Variants in SLC29A3 observed in about 807,000 individuals in gnomAD.
The protein encoded by SLC29A3 is equilibrative nucleoside transporter 3.
In SLC29A3, 18 loss-of-function variants were observed where a neutral mutation model predicts 25.4. The observed-to-expected ratio is 0.71, with a 90% confidence interval of 0.49 to 1.05. The LOEUF is 1.05. Ranked by LOEUF, SLC29A3 falls within the 50% of genes least tolerant of loss-of-function variation. SLC29A3 has a pLI of 0.00. For synonymous variants in SLC29A3, 258 were observed against 267.1 expected (o/e 0.97, Z 0.33); for missense variants, 586 against 609.0 (o/e 0.96, Z 0.40).
intron 2 of SLC29A3, among the ~76,000 whole-genome samples, chr10:71,327,125 C>G (rs1016310932): frequency 4.6e-5 from 7 of 152,322 alleles, no homozygotes; most frequent in African/African-American, 1.7e-4. Flanking sequence ...GATGTTTATT[C>G]TTTCCTGTAC....
At chr10:71,345,624 C>T (rs1279630247) in intron 3 of SLC29A3, among the ~76,000 whole-genome samples, 1 of 152,186 alleles carries the variant, frequency 6.6e-6, no homozygotes, top group Non-Finnish European at 1.5e-5. Flanking sequence ...AGGAGAGGGG[C>T]GTTGCAGCCC....
At chr10:71,347,370 C>T (rs1257353665) in intron 3 of SLC29A3, among the ~76,000 whole-genome samples, 1 of 152,148 alleles carries the variant, frequency 6.6e-6, no homozygotes, top group Non-Finnish European at 1.5e-5. Flanking sequence ...CTCCAAGAGT[C>T]TTCACAGGAC....
chr10:71,368,960 C>T (rs1483735493), intron 3 of SLC29A3, among the ~76,000 whole-genome samples: 3 of 152,196 alleles, frequency 2.0e-5, no homozygotes, highest in African/African-American at 7.2e-5. Flanking sequence ...TTTGTGTCCT[C>T]CCCAAATTCA....
chr10:71,344,034 T>G (rs1368531579), intron 2 of SLC29A3, among the ~76,000 whole-genome samples, 175 bp from the exon 3 acceptor site: 2 of 152,094 alleles, frequency 1.3e-5, no homozygotes, highest in Non-Finnish European at 2.9e-5. Context: ...GAGTGAGCGG[T>G]CTTAGGCTGG....
intron 3 of SLC29A3, among the ~76,000 whole-genome samples, chr10:71,372,239 C>G (rs1022076320): frequency 6.6e-6 from 1 of 152,138 alleles, no homozygotes; most frequent in Non-Finnish European, 1.5e-5. Context: ...CACTATGAAC[C>G]GGGCAAGTGA....
chr10:71,345,092 A>T (rs541469627), intron 3 of SLC29A3, among the ~76,000 whole-genome samples: 56 of 152,282 alleles, frequency 3.7e-4, no homozygotes, highest in African/African-American at 1.3e-3. Context: ...TTGATTAGTG[A>T]TGTCTGCTCT....
intron 3 of SLC29A3, among the ~76,000 whole-genome samples, chr10:71,375,247 G>A (rs958114822): frequency 1.3e-5 from 2 of 152,064 alleles, no homozygotes; most frequent in African/African-American, 2.4e-5. Flanking sequence ...GGACTACTGC[G>A]GCCACCGTTT....
At chr10:71,320,904 G>C (rs1030820029) in intron 1 of SLC29A3, among the ~76,000 whole-genome samples, 9 of 152,190 alleles carry the variant, frequency 5.9e-5, no homozygotes, top group South Asian at 2.1e-4. Flanking sequence ...TTCCCAGCCA[G>C]TCCTCCCCGG....
intron 4 of SLC29A3, among the ~76,000 whole-genome samples, chr10:71,379,256 A>G (rs1192210080): frequency 6.6e-6 from 1 of 152,218 alleles, no homozygotes; most frequent in Non-Finnish European, 1.5e-5. Flanking sequence ...CAAGCGTTAA[A>G]TGAAAATTGT....
At position 71,355,865 on chromosome 10, in the gene SLC29A3, G is replaced by A. The variant is rs543075715; in HGVS notation, c.611-216G>A. Among the ~76,000 whole-genome samples the A allele has an allele frequency of 1.5e-3, 226 of 152,344 alleles. 1 individual carries two copies. The highest frequency in any genetic ancestry group is 2.5e-3 in the Non-Finnish European group (171 of 68,034). ...GCCTCTTACAAGTCCAGCAGAGGGA[G>A]GGGAAAATGACCCCCTTGGAAACTC... On this transcript the variant is annotated intron_variant, in intron 4 of 5. Coordinates refer to ENST00000373189, the MANE Select transcript of SLC29A3 (RefSeq NM_018344.6).
Position 71,362,841 on chromosome 10 carries a change from A to C in SLC29A3, c.*233A>C. 1.5e-6 allele frequency: 1 copy of C among 688,410 alleles called. No homozygotes were observed. Among genetic ancestry groups the C allele is most frequent in the Non-Finnish European group, 2.6e-6 (1 of 379,030 alleles). The allele number at this position is 688,410 out of a possible 1,614,324, so 42.6% of individuals were successfully genotyped here. A position where few individuals can be genotyped will look rare whatever the true frequency, so the allele number is the denominator to read the frequency against. Reference sequence around the variant, plus strand: ...CACTCCTGAGACAGTTGAAGAAGAAATAGCACAAATCAGGGGTACTCCCTT... The same window carrying C: ...CACTCCTGAGACAGTTGAAGAAGAACTAGCACAAATCAGGGGTACTCCCTT... On this transcript the variant is annotated 3_prime_UTR_variant, in exon 6 of 6. Coordinates refer to ENST00000373189, the MANE Select transcript of SLC29A3 (RefSeq NM_018344.6).
At chr10:71,327,517 G>A (rs1294877638) in intron 2 of SLC29A3, among the ~76,000 whole-genome samples, 1 of 152,186 alleles carries the variant, frequency 6.6e-6, no homozygotes, top group Non-Finnish European at 1.5e-5. Context: ...TCTCAGCCCT[G>A]CAATGCAGAT....
chr10:71,336,075 G>A lies in SLC29A3; in HGVS notation c.301-8134G>A, dbSNP rs548450301. On this transcript the variant is annotated intron_variant, in intron 2 of 5. Coordinates refer to ENST00000373189, the MANE Select transcript of SLC29A3 (RefSeq NM_018344.6). ...GTACCACAAACTGGGTAGCTGAAAA[G>A]CAAGGCTCTAGGGAATAACATTTCC... Among the ~76,000 whole-genome samples the A allele has an allele frequency of 4.6e-5, 7 of 152,340 alleles. No homozygotes were observed. The South Asian group carries it at 1.5e-3, about 32-fold the overall frequency.
intron 2 of SLC29A3, among the ~76,000 whole-genome samples, chr10:71,342,887 G>GTA (rs1846449322): frequency 6.6e-6 from 1 of 152,240 alleles, no homozygotes; most frequent in Non-Finnish European, 1.5e-5. Context: ...TATATTCAGG[G>GTA]TACAGATTTC....
chr10:71,353,812 C>T (rs1248412724), intron 4 of SLC29A3, among the ~76,000 whole-genome samples: 1 of 152,102 alleles, frequency 6.6e-6, no homozygotes, highest in African/African-American at 2.4e-5. Context: ...TTTTAAACCC[C>T]TCATTTGCAT....
intron 5 of SLC29A3, among the ~76,000 whole-genome samples, chr10:71,359,981 T>A (rs1438961062): frequency 6.6e-6 from 1 of 152,176 alleles, no homozygotes; most frequent in Non-Finnish European, 1.5e-5. Context: ...TTGGAAAGAT[T>A]AATGATATTC....
intron 1 of SLC29A3, among the ~76,000 whole-genome samples, chr10:71,322,157 C>T (rs553924380): frequency 2.6e-4 from 39 of 152,204 alleles, no homozygotes; most frequent in African/African-American, 8.9e-4. Flanking sequence ...TCCCAGTTTC[C>T]CTCCTTAGAG....
chr10:71,320,296 T>C (rs1233583997), intron 1 of SLC29A3, among the ~76,000 whole-genome samples: 1 of 152,224 alleles, frequency 6.6e-6, no homozygotes, highest in Non-Finnish European at 1.5e-5. Context: ...TGGGTCATGA[T>C]TATTTTTTAC....
chr10:71,326,563 C>T (rs777114156), intron 2 of SLC29A3, among the ~76,000 whole-genome samples: 18 of 152,358 alleles, frequency 1.2e-4, no homozygotes, highest in Non-Finnish European at 2.1e-4. Context: ...CTGCCTGTCT[C>T]GGCCGGCACA....
Sources: allele counts gnomAD v4.1 joint callset (sites outside exome capture counted in the v4.1 genomes callset), GRCh38; gene constraint gnomAD v4.1.1; transcripts MANE v1.5; gene names NCBI Gene and HGNC (gene_info 2026-07-23, HGNC 2026-07-21).